The following WWP2 variants were observed in gnomAD, a reference collection of about 807,000 sequenced individuals.
The protein encoded by WWP2 is NEDD4-like E3 ubiquitin-protein ligase WWP2.
In WWP2, 57 loss-of-function variants were observed where a neutral mutation model predicts 121.0. The ratio of observed to expected loss-of-function variants is 0.47; its 90% CI spans 0.38 to 0.59. The LOEUF (loss-of-function observed/expected upper bound fraction) is 0.59, where lower values mean the gene tolerates loss of function less well. Ranked by LOEUF, WWP2 falls within the 20% of genes least tolerant of loss-of-function variation. The pLI is 0.00. For missense variants in WWP2, 962 were observed against 1,158.9 expected (o/e 0.83, Z 2.47); for synonymous variants, 449 against 441.3 (o/e 1.02, Z -0.22).
chr16:69,929,622 A>AG, intron 12 of WWP2, 93 bp downstream of exon 12: 1 of 1,098,864 alleles, frequency 9.1e-7, no homozygotes, highest in Non-Finnish European at 1.4e-6. Flanking sequence ...ATCGTCCCAG[A>AG]GGGCTGATGT....
intron 1 of WWP2, among the ~76,000 whole-genome samples, chr16:69,765,999 A>G (rs1245472407): frequency 6.6e-6 from 1 of 152,140 alleles, no homozygotes; most frequent in Non-Finnish European, 1.5e-5. Context: ...ACATGCTAAC[A>G]GCTTCCATAT....
intron 6 of WWP2, among the ~76,000 whole-genome samples, chr16:69,864,495 A>T (rs2057483086): frequency 6.6e-6 from 1 of 152,152 alleles, no homozygotes; most frequent in African/African-American, 2.4e-5. Context: ...TGAGAGTTCC[A>T]ATTACTTTGC....
At chr16:69,906,017 C>T (rs894516086) in intron 8 of WWP2, among the ~76,000 whole-genome samples, 3 of 152,022 alleles carry the variant, frequency 2.0e-5, no homozygotes, top group South Asian at 2.1e-4. Context: ...GTCTCCTCTG[C>T]TTCTTTCTTA....
At chr16:69,768,065 G>A (rs780903172) in intron 1 of WWP2, among the ~76,000 whole-genome samples, 29 of 151,948 alleles carry the variant, frequency 1.9e-4, no homozygotes, top group African/African-American at 6.5e-4. Flanking sequence ...CTTGAACTCC[G>A]GGCTCAAGTG....
intron 10 of WWP2, among the ~76,000 whole-genome samples, chr16:69,923,665 C>G (rs1351473712): frequency 6.6e-6 from 1 of 152,222 alleles, no homozygotes; most frequent in Non-Finnish European, 1.5e-5. Context: ...GCAGCAAACA[C>G]TTTTACACCA....
chr16:69,934,464 C>T (rs8048590), intron 17 of WWP2, among the ~76,000 whole-genome samples: 119,884 of 151,374 alleles, frequency 0.79, 47,778 homozygotes, highest in East Asian at 0.96. Context: ...TTGCTTTGTA[C>T]AGGACTTGTC....
At chr16:69,807,134 T>G (rs1596969281) in intron 4 of WWP2, among the ~76,000 whole-genome samples, 2 of 152,152 alleles carry the variant, frequency 1.3e-5, no homozygotes, top group East Asian at 3.9e-4. Flanking sequence ...TTTCAAGTGA[T>G]TCTCCTGCCT....
At chr16:69,844,221 G>A (rs759564626) in intron 6 of WWP2, among the ~76,000 whole-genome samples, 31 of 152,222 alleles carry the variant, frequency 2.0e-4, no homozygotes, top group Non-Finnish European at 4.1e-4. Flanking sequence ...GTCTCACGGG[G>A]TGATGAATGA....
Position 69,931,536 on chromosome 16 carries a change from A to G in WWP2, c.1549A>G (p.Ile517Val). The change falls in exon 15 of 24, where the codon ATC (isoleucine) becomes GTC (valine). Residue 517 changes from isoleucine (I) to valine (V), a missense_variant. Ile to Val is a conservative substitution (Grantham distance 29). Coordinates refer to ENST00000359154, the MANE Select transcript of WWP2 (RefSeq NM_001270454.2). ...AAATGCCCTACCTAGCCACGTGAAGATCAGCGTTTCCAGGCAGACGCTTTT... is the reference window on the plus strand; with the variant it reads ...AAATGCCCTACCTAGCCACGTGAAGGTCAGCGTTTCCAGGCAGACGCTTTT... ...HSNALPSHVK[I>V]SVSRQTLFED... 2 of 1,613,436 alleles carry G rather than the reference A, an allele frequency of 1.2e-6. No individual in the cohort carries two copies. The highest frequency in any genetic ancestry group is 1.7e-6 in the Non-Finnish European group (2 of 1,179,888).
At chr16:69,860,249 A>G (rs1367246314) in intron 6 of WWP2, among the ~76,000 whole-genome samples, 1 of 152,124 alleles carries the variant, frequency 6.6e-6, no homozygotes, top group Non-Finnish European at 1.5e-5. Context: ...AGAATATGCA[A>G]AGTACTGGAG....
intron 4 of WWP2, among the ~76,000 whole-genome samples, chr16:69,815,516 T>A (rs2056471958): frequency 6.7e-6 from 1 of 149,850 alleles, no homozygotes; most frequent in African/African-American, 2.4e-5. Flanking sequence ...GGGCAGGGGC[T>A]GGGCACGGTG....
intron 4 of WWP2, among the ~76,000 whole-genome samples, chr16:69,832,576 C>G (rs901094200): frequency 1.3e-5 from 2 of 152,186 alleles, no homozygotes; most frequent in African/African-American, 4.8e-5. Context: ...GAGTCTCACT[C>G]CATCACTCAG....
At chr16:69,764,591 A>C (rs1597627689) in intron 1 of WWP2, among the ~76,000 whole-genome samples, 1 of 152,236 alleles carries the variant, frequency 6.6e-6, no homozygotes, top group Non-Finnish European at 1.5e-5. Flanking sequence ...ATGTGAGTAA[A>C]TGAAGTTTAG....
Position 69,937,382 on chromosome 16 carries a change from T to TC in WWP2, c.2238+148dup. ...ATGGGTTTGATTTGGGACCCACCCT[T>TC]CCCCAGACACTTGTTTCAAGAAAGC... On this transcript the variant is annotated intron_variant, in intron 20 of 23. Coordinates refer to ENST00000359154, the MANE Select transcript of WWP2 (RefSeq NM_001270454.2). This position sits in a 1 kb window ranked among gnomAD's most constrained non-coding sequence, Gnocchi z 6.6. The TC allele has an allele frequency of 2.8e-6, 4 of 1,428,768 alleles. No individual in the cohort carries two copies. The highest frequency in any genetic ancestry group is 1.4e-5 in the South Asian group (1 of 73,522). 88.5% of individuals were successfully genotyped at this position (1,428,768 alleles called of 1,614,324 possible).
intron 4 of WWP2, among the ~76,000 whole-genome samples, chr16:69,827,649 T>C (rs2056725655): frequency 6.6e-6 from 1 of 152,238 alleles, no homozygotes; most frequent in African/African-American, 2.4e-5. Context: ...GGAAGGTGTT[T>C]ATAAACATGG....
intron 4 of WWP2, among the ~76,000 whole-genome samples, chr16:69,816,528 TAATAA>T (rs963706070): frequency 2.3e-4 from 34 of 149,938 alleles, no homozygotes; most frequent in African/African-American, 6.3e-4. Context: ...TTGAGCAAGC[TAATAA>T]AATAAAAAGT....
intron 1 of WWP2, among the ~76,000 whole-genome samples, chr16:69,782,658 A>AG (rs1270175894): frequency 6.6e-6 from 1 of 152,174 alleles, no homozygotes. Context: ...TAAAATGCTT[A>AG]TTACAGACTA....
chr16:69,783,780 T>TACAACAACAACAACA (rs55923742), intron 1 of WWP2, among the ~76,000 whole-genome samples: 10,975 of 149,774 alleles, frequency 0.073, 430 homozygotes, highest in East Asian at 0.13. Flanking sequence ...ACCTTGTTTC[T>TACAACAACAACAACA]ACAACAACAA....
At chr16:69,905,500 G>T (rs1289021580) in intron 8 of WWP2, among the ~76,000 whole-genome samples, 1 of 152,192 alleles carries the variant, frequency 6.6e-6, no homozygotes, top group Non-Finnish European at 1.5e-5. Flanking sequence ...CCGACATGAT[G>T]CTTAAAGGAA....
Sources: allele counts gnomAD v4.1 joint callset (sites outside exome capture counted in the v4.1 genomes callset), GRCh38; gene constraint gnomAD v4.1.1; non-coding constraint Gnocchi (gnomAD v3.1); transcripts MANE v1.5; gene names NCBI Gene and HGNC (gene_info 2026-07-23, HGNC 2026-07-21).